The following PICALM variants were observed in gnomAD, a reference collection of about 807,000 sequenced individuals.
The protein encoded by PICALM is phosphatidylinositol binding clathrin assembly protein.
Under a neutral mutation model 80.5 loss-of-function variants are expected in PICALM, and 40 were observed. The ratio of observed to expected loss-of-function variants is 0.50; its 90% confidence interval spans 0.39 to 0.65. PICALM has a LOEUF of 0.65. PICALM is among the 30% of genes least tolerant of loss of function. The pLI, the probability that PICALM is intolerant of heterozygous loss-of-function variation, is 0.00. For missense variants in PICALM, 676 were observed against 778.9 expected, an observed-to-expected ratio of 0.87 and a Z score of 1.57; for synonymous variants, 288 against 260.3, an observed-to-expected ratio of 1.11 and a Z score of -1.02.
rs2095455631 is a variant in PICALM, at chr11:86,014,886, G to A, written c.530C>T (p.Ala177Val). Residue 177 changes from alanine (A) to valine (V), a missense_variant, in exon 5 of 20, where the codon GCA becomes GTA. Ala to Val is a moderately conservative substitution (Grantham distance 64). Around this residue, in one of 2 missense-constraint regions of PICALM, gnomAD observed 285 missense variants for 395.4 expected, o/e 0.72. Transcript: ENST00000393346. ...TVPIIQNQMD[A>V]LLDFNVNSNE... ...ATAACTCACATTAAAATCAAGAAGT[G>A]CATCCATCTGATTCTGAATAATTGG... The A allele has an allele frequency of 6.5e-7, 1 of 1,542,868 alleles. No homozygotes were observed. The highest frequency in any genetic ancestry group is 2.3e-5 in the East Asian group (1 of 43,792).
chr11:86,015,452 T>A (rs946483285), intron 4 of PICALM, among the ~76,000 whole-genome samples: 3 of 152,220 alleles, frequency 2.0e-5, no homozygotes, highest in African/African-American at 7.2e-5. Context: ...AGCAATGGCT[T>A]TTAATTCAGA....
At chr11:86,042,470 C>G (rs570733482) in intron 1 of PICALM, among the ~76,000 whole-genome samples, 1 of 152,026 alleles carries the variant, frequency 6.6e-6, no homozygotes, top group Non-Finnish European at 1.5e-5. Context: ...ATAACATATT[C>G]ATGGTATAAA....
At chr11:85,968,801 T>C (rs1482797293) in intron 19 of PICALM, among the ~76,000 whole-genome samples, 4 of 152,070 alleles carry the variant, frequency 2.6e-5, no homozygotes. Context: ...CTAGAATTTA[T>C]CATGAAGTTA....
chr11:86,002,747 TC>T (rs775350378), intron 9 of PICALM, among the ~76,000 whole-genome samples: 9 of 152,170 alleles, frequency 5.9e-5, no homozygotes, highest in Non-Finnish European at 1.0e-4. Flanking sequence ...GCACGGTGGT[TC>T]ATGCCTGTAA....
rs1339844926 is a variant in PICALM at position 86,010,946 on chromosome 11, AT to A, written c.765+83del. ...ATACTAAATTGAAGACATTTATTTT[AT>A]TTGGATAGTGAGTGATGACTTCAAA... is the stretch of plus-strand genomic sequence containing the variant. On this transcript the variant is annotated intron_variant, in intron 7 of 19. Coordinates refer to ENST00000393346, the MANE Select transcript of PICALM (RefSeq NM_007166.4). 7 of 676,450 alleles carry A rather than the reference AT, an allele frequency of 1.0e-5. No homozygotes were observed. The East Asian group carries it at 1.9e-4, about 18-fold the overall frequency. The allele number at this position is 676,450 out of a possible 1,614,324, so 41.9% of individuals were successfully genotyped here.
intron 19 of PICALM, among the ~76,000 whole-genome samples, chr11:85,966,682 C>CA (rs766644746): frequency 6.6e-6 from 1 of 152,184 alleles, no homozygotes; most frequent in Non-Finnish European, 1.5e-5. Flanking sequence ...TACTTGGAAA[C>CA]AGGGTCTTTG....
chr11:86,068,776 G>A lies in PICALM; in HGVS notation c.5C>T (p.Ser2Phe). The A allele has an allele frequency of 6.2e-7, 1 of 1,607,228 alleles. No individual in the cohort carries two copies. The highest frequency in any genetic ancestry group is 2.2e-5 in the East Asian group (1 of 44,706). The change falls in exon 1 of 20, where the codon TCC becomes TTC. Residue 2 changes from serine (S) to phenylalanine (F), a missense_variant. Coordinates refer to ENST00000393346, the MANE Select transcript of PICALM (RefSeq NM_007166.4). The part of the protein sequence containing the change: M[S>F]GQSLTDRITA... ...GATTCGGTCCGTCAGGCTCTGGCCGGACATCTCTGCAGCTCCTCCACCACC... is the reference window on the plus strand; with the variant it reads ...GATTCGGTCCGTCAGGCTCTGGCCGAACATCTCTGCAGCTCCTCCACCACC...
At position 85,990,289 on chromosome 11, in the gene PICALM, T is replaced by C. The variant is rs769969444; in HGVS notation, c.1369A>G (p.Thr457Ala). Residue 457 changes from threonine (T) to alanine (A), a missense_variant, in exon 13 of 20, where the codon ACT becomes GCT. Around this residue, in one of 2 missense-constraint regions of PICALM, gnomAD observed 391 missense variants for 383.6 expected, o/e 1.02. Coordinates refer to ENST00000393346, the MANE Select transcript of PICALM (RefSeq NM_007166.4). The part of the protein sequence containing the change: ...VHLSISSDVS[T>A]FTTRTPTHEM... Reference sequence around the variant, plus strand: ...TGAGTAGGTGTCCTAGTAGTAAAAGTAGATACATCTGAAGAAATGGAAAGG... The same window carrying C: ...TGAGTAGGTGTCCTAGTAGTAAAAGCAGATACATCTGAAGAAATGGAAAGG... The C allele has an allele frequency of 6.2e-7, 1 of 1,606,800 alleles. No individual in the cohort carries two copies. Among genetic ancestry groups the C allele is most frequent in the South Asian group, 1.1e-5 (1 of 90,656 alleles).
intron 1 of PICALM, among the ~76,000 whole-genome samples, chr11:86,043,126 T>C (rs188797978): frequency 1.1e-4 from 16 of 152,314 alleles, no homozygotes; most frequent in Non-Finnish European, 1.6e-4. Flanking sequence ...CACATCACCT[T>C]AGTTATAAGC....
intron 3 of PICALM, among the ~76,000 whole-genome samples, chr11:86,024,126 T>C (rs983710994): frequency 1.3e-5 from 2 of 151,922 alleles, no homozygotes; most frequent in African/African-American, 4.8e-5. Flanking sequence ...AGCCCCGGTC[T>C]CTCTTACTCC....
rs192102001 is a variant in PICALM, at chr11:86,000,537, A to G, written c.1154+106T>C. On this transcript the variant is annotated intron_variant, in intron 11 of 19. Coordinates refer to ENST00000393346, the MANE Select transcript of PICALM (RefSeq NM_007166.4). The stretch of plus-strand genomic sequence containing the variant: ...TTTATCGCCACCTCTTTGTGTGAAT[A>G]GATTATAAAAGCATAAATAAAAGTA... 93 of 795,740 alleles carry G rather than the reference A, an allele frequency of 1.2e-4. No individual in the cohort carries two copies. In the African/African-American group the frequency reaches 1.6e-3, roughly 13 times the overall value. 49.3% of individuals were successfully genotyped at this position (795,740 alleles called of 1,614,324 possible).
At chr11:86,035,947 CAAAAAAAAAAAAAA>C (rs543040504) in intron 1 of PICALM, among the ~76,000 whole-genome samples, 1 of 66,508 alleles carries the variant, frequency 1.5e-5, no homozygotes, top group East Asian at 5.5e-4. Context: ...GACTCTGCCT[CAAAAAAAAAAAAAA>C]AAAAGAAAAA....
Position 85,976,683 on chromosome 11 carries a change from C to T in PICALM, c.1780-1G>A. ...CAGGATAGGCCATTACAGGGGGTGC[C>T]TAACATAGTGAAAGGAAAAATGAAC... On this transcript the variant is annotated splice_acceptor_variant, in intron 17 of 19. Transcript: ENST00000393346. LOFTEE classifies it high-confidence loss of function. 6.3e-7 allele frequency: 1 copy of T among 1,579,172 alleles called. No individual in the cohort carries two copies. Among genetic ancestry groups the T allele is most frequent in the Non-Finnish European group, 8.7e-7 (1 of 1,148,782 alleles).
Position 85,973,131 on chromosome 11 carries a change from G to T in PICALM, c.1944+1577C>A, listed in dbSNP as rs560575438. On this transcript the variant is annotated intron_variant, in intron 19 of 19. Transcript: ENST00000393346. ...AACAAGGAGGAAGTCATTTTAACAT[G>T]GACAAAGGGTGGGGTAAAAAAAGAG... Among the ~76,000 whole-genome samples the T allele has an allele frequency of 2.0e-5, 3 of 152,248 alleles. 1 individual carries two copies. In the South Asian group the frequency reaches 6.2e-4, roughly 32 times the overall value.
intron 6 of PICALM, 57 bp from the exon 7 acceptor site, chr11:86,011,193 A>G (rs1424205866): frequency 5.4e-6 from 4 of 734,080 alleles, no homozygotes; most frequent in Non-Finnish European, 9.1e-6. Flanking sequence ...CACCCAAAAA[A>G]GGAAAAAAAA....
chr11:86,022,348 C>A lies in PICALM; in HGVS notation c.452+19G>T. The A allele has an allele frequency of 3.0e-6, 4 of 1,320,116 alleles. No homozygotes were observed. Among genetic ancestry groups the A allele is most frequent in the Non-Finnish European group, 3.2e-6 (3 of 938,314 alleles). The allele number at this position is 1,320,116 out of a possible 1,614,324, so 81.8% of individuals were successfully genotyped here. On this transcript the variant is annotated intron_variant, in intron 4 of 19. Transcript: ENST00000393346. The stretch of plus-strand genomic sequence containing the variant: ...TTAAAAATTCAAATCAATTAGATGT[C>A]AAAAAAAGCTTAACTCACCCTCTCT...
chr11:86,000,519 C>A, intron 11 of PICALM, 124 bp downstream of exon 11: 1 of 665,108 alleles, frequency 1.5e-6, no homozygotes, highest in Non-Finnish European at 2.5e-6. Context: ...CCATTTATCG[C>A]CACCTCTTTG....
chr11:86,066,906 A>C (rs2096455717), intron 1 of PICALM, among the ~76,000 whole-genome samples: 1 of 152,228 alleles, frequency 6.6e-6, no homozygotes, highest in Non-Finnish European at 1.5e-5. Flanking sequence ...AAAATCACAT[A>C]TGGCTTTACG....
chr11:85,986,156 T>C (rs1013812973), intron 13 of PICALM, among the ~76,000 whole-genome samples: 12 of 152,046 alleles, frequency 7.9e-5, no homozygotes, highest in Non-Finnish European at 2.9e-5. Context: ...AATTAATAAA[T>C]TGCAATAGCT....
Sources: gnomAD v4.1 joint callset for allele counts (sites outside exome capture counted in the v4.1 genomes callset) on GRCh38, gnomAD v4.1.1 for gene constraint, gnomAD v4.1.1 regional missense constraint, MANE v1.5 for transcripts, NCBI Gene and HGNC (gene_info 2026-07-23, HGNC 2026-07-21) for gene names.